The following ADAMTSL1 variants were observed in gnomAD, a reference collection of about 807,000 sequenced individuals.
The protein encoded by ADAMTSL1 is ADAMTS like 1, also known as ADAMTS-like protein 1.
In ADAMTSL1, 126 loss-of-function variants were observed where a neutral mutation model predicts 201.8. The observed-to-expected ratio is 0.62, with a 90% confidence interval of 0.54 to 0.72. ADAMTSL1 has a LOEUF of 0.72. Ranked by LOEUF, ADAMTSL1 falls within the 30% of genes least tolerant of loss-of-function variation. The pLI is 0.00. For missense variants in ADAMTSL1, 2,679 were observed against 2,277.8 expected (o/e 1.18, Z -3.59); for synonymous variants, 1,121 against 903.4 (o/e 1.24, Z -4.32).
chr9:18,776,536 T>C (rs1336005962), intron 18 of ADAMTSL1, among the ~76,000 whole-genome samples: 1 of 152,172 alleles, frequency 6.6e-6, no homozygotes, highest in African/African-American at 2.4e-5. Context: ...GTTCTGATTG[T>C]GGTGGCAGCT....
At chr9:18,202,351 C>T (rs1215027236) in intron 2 of ADAMTSL1, among the ~76,000 whole-genome samples, 3 of 152,156 alleles carry the variant, frequency 2.0e-5, no homozygotes, top group Admixed American at 1.3e-4. Context: ...ATGATAAAAA[C>T]CAAAAGTATT....
intron 1 of ADAMTSL1, among the ~76,000 whole-genome samples, chr9:18,126,482 T>A (rs1355373906): frequency 1.3e-5 from 2 of 152,248 alleles, no homozygotes; most frequent in African/African-American, 4.8e-5. Context: ...CACACTGTAC[T>A]GCAGCCATCT....
At chr9:17,940,163 G>C (rs1255098802) in intron 1 of ADAMTSL1, among the ~76,000 whole-genome samples, 1 of 152,114 alleles carries the variant, frequency 6.6e-6, no homozygotes, top group Admixed American at 6.6e-5. Flanking sequence ...AGTTTCTGGA[G>C]GTTGTTTAAT....
At chr9:18,740,468 T>C (rs1478372252) in intron 15 of ADAMTSL1, among the ~76,000 whole-genome samples, 8 of 136,766 alleles carry the variant, frequency 5.8e-5, no homozygotes, top group South Asian at 2.2e-4. Flanking sequence ...TTTTTTTTTT[T>C]TTCTTTTATC....
intron 1 of ADAMTSL1, among the ~76,000 whole-genome samples, chr9:18,157,462 A>G (rs886161036): frequency 6.6e-6 from 1 of 151,974 alleles, no homozygotes; most frequent in Non-Finnish European, 1.5e-5. Context: ...TTTCATTGAC[A>G]TTCTGGGACA....
chr9:18,352,465 C>T (rs1039380786), intron 2 of ADAMTSL1, among the ~76,000 whole-genome samples: 1 of 152,138 alleles, frequency 6.6e-6, no homozygotes, highest in Non-Finnish European at 1.5e-5. Context: ...ACCTAGTGTC[C>T]TATTCTAGGC....
intron 26 of ADAMTSL1, 78 bp from the exon 27 acceptor site, chr9:18,905,704 T>C: frequency 3.6e-6 from 4 of 1,110,378 alleles, no homozygotes; most frequent in Non-Finnish European, 5.3e-6. Context: ...GGATCGTGCA[T>C]GCCATGCAGC....
chr9:18,522,759 T>A (rs7035957), intron 2 of ADAMTSL1, among the ~76,000 whole-genome samples: 91,961 of 151,424 alleles, frequency 0.61, 28,224 homozygotes, highest in East Asian at 0.8. Flanking sequence ...TGTCCCTACA[T>A]AGGACATGAA....
At chr9:18,429,139 A>G (rs939394434) in intron 2 of ADAMTSL1, among the ~76,000 whole-genome samples, 2 of 152,176 alleles carry the variant, frequency 1.3e-5, no homozygotes, top group African/African-American at 4.8e-5. Context: ...ATATACATAC[A>G]CGTATGTGAA....
intron 2 of ADAMTSL1, among the ~76,000 whole-genome samples, chr9:18,261,159 A>C (rs991963147): frequency 5.9e-5 from 9 of 151,914 alleles, no homozygotes; most frequent in African/African-American, 2.2e-4. Context: ...TCTGTCCAGC[A>C]ACACAGGAGT....
At chr9:18,319,055 T>G (rs1323288911) in intron 2 of ADAMTSL1, among the ~76,000 whole-genome samples, 4 of 152,040 alleles carry the variant, frequency 2.6e-5, no homozygotes, top group African/African-American at 9.7e-5. Context: ...CAAACAATTT[T>G]TAAACAATTT....
intron 15 of ADAMTSL1, among the ~76,000 whole-genome samples, chr9:18,740,566 TC>T (rs1449395041): frequency 7.3e-6 from 1 of 137,588 alleles, no homozygotes; most frequent in African/African-American, 2.7e-5. Flanking sequence ...AGCCTCCACC[TC>T]CCCGGTTCCA....
intron 1 of ADAMTSL1, among the ~76,000 whole-genome samples, chr9:17,976,216 A>T (rs915020630): frequency 5.2e-5 from 7 of 135,130 alleles, no homozygotes; most frequent in African/African-American, 1.9e-4. Flanking sequence ...ATCTTTTGTG[A>T]TTTCATAAAA....
At chr9:17,956,166 A>G (rs1588474362) in intron 1 of ADAMTSL1, among the ~76,000 whole-genome samples, 1 of 152,204 alleles carries the variant, frequency 6.6e-6, no homozygotes, top group Admixed American at 6.6e-5. Flanking sequence ...TCATAAATAC[A>G]TCTTACCTTG....
chr9:18,139,184 T>TG (rs1355857244), intron 1 of ADAMTSL1, among the ~76,000 whole-genome samples: 4 of 152,176 alleles, frequency 2.6e-5, no homozygotes, highest in African/African-American at 4.8e-5. Flanking sequence ...AATGCAGTGT[T>TG]GAAATGGCAA....
intron 1 of ADAMTSL1, among the ~76,000 whole-genome samples, chr9:18,042,929 C>T (rs774724279): frequency 7.6e-4 from 116 of 151,970 alleles, no homozygotes; most frequent in Non-Finnish European, 1.4e-3. Context: ...AAAAAATTCA[C>T]GGGGGAACCT....
At chr9:18,596,042 T>C (rs1347545115) in intron 4 of ADAMTSL1, among the ~76,000 whole-genome samples, 1 of 152,202 alleles carries the variant, frequency 6.6e-6, no homozygotes, top group African/African-American at 2.4e-5. Context: ...CCTCCTATTC[T>C]GCTATCTTGG....
intron 2 of ADAMTSL1, among the ~76,000 whole-genome samples, chr9:18,409,158 C>G (rs1468162154): frequency 6.6e-6 from 1 of 151,852 alleles, no homozygotes; most frequent in Non-Finnish European, 1.5e-5. Flanking sequence ...CCAAAGCAGG[C>G]AAATCACCTG....
At chr9:18,713,379 G>C (rs1409398568) in intron 14 of ADAMTSL1, among the ~76,000 whole-genome samples, 1 of 152,104 alleles carries the variant, frequency 6.6e-6, no homozygotes, top group Non-Finnish European at 1.5e-5. Flanking sequence ...GACACACATA[G>C]GCTCAAAATA....
Sources: allele counts gnomAD v4.1 joint callset (sites outside exome capture counted in the v4.1 genomes callset), GRCh38; gene constraint gnomAD v4.1.1; transcripts MANE v1.5; gene names NCBI Gene and HGNC (gene_info 2026-07-23, HGNC 2026-07-21).